The following CPNE2 variants were observed in gnomAD, a reference collection of about 807,000 sequenced individuals.
CPNE2 encodes copine 2, also known as copine-2.
In CPNE2, 42 loss-of-function variants were observed where a neutral mutation model predicts 69.7. That is an observed-to-expected ratio of 0.60 (90% CI 0.47 to 0.78). The LOEUF (loss-of-function observed/expected upper bound fraction) is 0.78, where lower values mean the gene tolerates loss of function less well. Among genes scored for constraint, CPNE2 ranks in the 30% least tolerant of loss-of-function variants. CPNE2 has a pLI of 0.00. For missense variants in CPNE2, 587 were observed against 732.0 expected, an observed-to-expected ratio of 0.80 and a Z score of 2.29; for synonymous variants, 294 against 289.8, an observed-to-expected ratio of 1.01 and a Z score of -0.15.
At chr16:57,128,863 TG>T (rs2069818802) in intron 12 of CPNE2, among the ~76,000 whole-genome samples, 1 of 152,190 alleles carries the variant, frequency 6.6e-6, no homozygotes, top group African/African-American at 2.4e-5. Flanking sequence ...TGCAGTTTTT[TG>T]TTTTCTGTTT....
chr16:57,107,697 A>G (rs1344988931), intron 1 of CPNE2, among the ~76,000 whole-genome samples: 5 of 152,098 alleles, frequency 3.3e-5, no homozygotes, highest in Non-Finnish European at 7.4e-5. Context: ...AACGCAAATC[A>G]GATAATGTCA....
intron 12 of CPNE2, among the ~76,000 whole-genome samples, chr16:57,129,635 A>G (rs117116600): frequency 0.027 from 4,186 of 152,324 alleles, 196 homozygotes; most frequent in South Asian, 0.15. Context: ...CCTGGCCAGC[A>G]TGGCAAAACC....
rs2069973506 is a variant in CPNE2 at position 57,148,088 on chromosome 16, A to G, written c.*430A>G. The G allele has an allele frequency of 6.5e-6, 1 of 154,480 alleles. No individual in the cohort carries two copies. Among genetic ancestry groups the G allele is most frequent in the South Asian group, 2.1e-4 (1 of 4,852 alleles). The allele number at this position is 154,480 out of a possible 1,614,324, so 9.6% of individuals were successfully genotyped here. A position where few individuals can be genotyped will look rare whatever the true frequency, so the allele number is the denominator to read the frequency against. ...TTTTTTAATACTGTGACTGTGTTCT[A>G]TTTGTTATATGCTCAGGGTAACAAA... On this transcript the variant is annotated 3_prime_UTR_variant, in exon 16 of 16. Coordinates refer to ENST00000290776, the MANE Select transcript of CPNE2 (RefSeq NM_152727.6).
chr16:57,134,320 A>G (rs4784775), intron 12 of CPNE2, among the ~76,000 whole-genome samples: 69,052 of 152,044 alleles, frequency 0.45, 16,034 homozygotes, highest in South Asian at 0.64. Flanking sequence ...GGCGCAAGGC[A>G]GGCTCCCCTC....
At chr16:57,125,833 T>C in intron 10 of CPNE2, 27 bp from the exon 11 acceptor site, 4 of 1,613,772 alleles carry the variant, frequency 2.5e-6, no homozygotes, top group Non-Finnish European at 3.4e-6. Flanking sequence ...CTGGCCCCAC[T>C]GGGTGGCCTT....
In CPNE2 at chr16:57,105,766, C is replaced by T. The variant is rs74641700; in HGVS notation, c.-35-4942C>T. The stretch of plus-strand genomic sequence containing the variant: ...ATAAACCCCTCTCCAAGCTCCTTGC[C>T]TGGGGGGTCTGGTCACCCCAGAAGG... On this transcript the variant is annotated intron_variant, in intron 1 of 15. Transcript: ENST00000290776. Among the ~76,000 whole-genome samples, 1,400 of 152,308 alleles carry T rather than the reference C, an allele frequency of 9.2e-3. 26 individuals carry two copies. The highest frequency in any genetic ancestry group is 0.032 in the African/African-American group (1,342 of 41,556).
Position 57,147,694 on chromosome 16 carries a change from T to C in CPNE2, c.*36T>C. ...CCAGCAGCAGCATGTCAGCTGAGCC[T>C]CCTGCCCTCCCCCAGGAACATGCAC... is the stretch of plus-strand genomic sequence containing the variant. On this transcript the variant is annotated 3_prime_UTR_variant, in exon 16 of 16. Coordinates refer to ENST00000290776, the MANE Select transcript of CPNE2 (RefSeq NM_152727.6). 1 of 1,404,572 alleles carries C rather than the reference T, an allele frequency of 7.1e-7. No homozygotes were observed. The allele number at this position is 1,404,572 out of a possible 1,614,324, so 87.0% of individuals were successfully genotyped here.
At position 57,130,375 on chromosome 16, in the gene CPNE2, T is replaced by C. The variant is rs911555144; in HGVS notation, c.1116+2472T>C. On this transcript the variant is annotated intron_variant, in intron 12 of 15. Coordinates refer to ENST00000290776, the MANE Select transcript of CPNE2 (RefSeq NM_152727.6). The surrounding 1 kb of genome is among the most constrained non-coding windows in gnomAD (Gnocchi z 4.1). ...ACTCTGTCTCTAAAAAATTAATTAA[T>C]TAATTAATTAAAATAAAAAAAGAGA... 2.6e-5 allele frequency among the ~76,000 whole-genome samples: 4 copies of C among 151,464 alleles called. No homozygotes were observed. The highest frequency in any genetic ancestry group is 6.6e-5 in the Admixed American group (1 of 15,178).
Position 57,130,608 on chromosome 16 carries a change from A to G in CPNE2, c.1116+2705A>G, listed in dbSNP as rs944367017. 1.2e-4 allele frequency among the ~76,000 whole-genome samples: 19 copies of G among 152,006 alleles called. No individual in the cohort carries two copies. The highest frequency in any genetic ancestry group is 8.8e-5 in the Non-Finnish European group (6 of 68,010). ...ATGAGGTAGGCCCTGTTATGAACCC[A>G]TTTTGATCGTTGAGGAAGCCAAGCA... On this transcript the variant is annotated intron_variant, in intron 12 of 15. Coordinates refer to ENST00000290776, the MANE Select transcript of CPNE2 (RefSeq NM_152727.6). The surrounding 1 kb of genome is among the most constrained non-coding windows in gnomAD (Gnocchi z 4.1).
chr16:57,121,855 T>C (rs2069765035), intron 9 of CPNE2, 95 bp downstream of exon 9: 2 of 1,214,180 alleles, frequency 1.6e-6, no homozygotes, highest in Admixed American at 1.9e-5. Context: ...GCGAGGCCTG[T>C]GTTCAAATCC....
intron 14 of CPNE2, among the ~76,000 whole-genome samples, chr16:57,140,408 G>A (rs1377486157): frequency 6.6e-6 from 1 of 151,954 alleles, no homozygotes; most frequent in East Asian, 1.9e-4. Flanking sequence ...CTGTCCTCAG[G>A]TGATCCGCCC....
Position 57,137,199 on chromosome 16 carries a change from T to C in CPNE2, c.1219T>C (p.Phe407Leu), listed in dbSNP as rs377640626. The C allele has an allele frequency of 6.2e-7, 1 of 1,614,244 alleles. No homozygotes were observed. The highest frequency in any genetic ancestry group is 8.5e-7 in the Non-Finnish European group (1 of 1,180,040). Residue 407 changes from phenylalanine to leucine, a missense_variant, in exon 14 of 16, where the codon TTC (phenylalanine) becomes CTC (leucine). Phe to Leu is a conservative substitution (Grantham distance 22). Transcript: ENST00000290776. The stretch of plus-strand genomic sequence containing the variant: ...CTCAGCTTGCCTGCCCCACATCCGC[T>C]TCTACGGTCCTACCAATTTCTCCCC... ...AYSACLPHIR[F>L]YGPTNFSPIV...
chr16:57,132,639 G>A (rs1214986620), intron 12 of CPNE2, among the ~76,000 whole-genome samples: 9 of 152,146 alleles, frequency 5.9e-5, no homozygotes, highest in Admixed American at 5.9e-4. Context: ...CAGTCCCCAG[G>A]GGCCCCTCAT....
At chr16:57,113,004 A>C in intron 2 of CPNE2, 1 of 284,318 alleles carries the variant, frequency 3.5e-6, no homozygotes, top group South Asian at 6.2e-5. Flanking sequence ...GCACCTGGGT[A>C]GGGAGCCAGG....
At chr16:57,118,488 T>C (rs768727627) in intron 5 of CPNE2, among the ~76,000 whole-genome samples, 16 of 152,094 alleles carry the variant, frequency 1.1e-4, no homozygotes, top group Non-Finnish European at 2.1e-4. Flanking sequence ...CTTCTTTACT[T>C]ATTTTCTGTC....
rs181562443 is a variant in CPNE2, at chr16:57,127,775, G to T, written c.1062-74G>T. ...CTTGGAAGTGTATGAGGCAGAGTGG[G>T]CCCAGCCCTGGGCAGAGGGTCGGGT... On this transcript the variant is annotated intron_variant, in intron 11 of 15. Coordinates refer to ENST00000290776, the MANE Select transcript of CPNE2 (RefSeq NM_152727.6). The T allele has an allele frequency of 3.2e-4, 475 of 1,471,416 alleles. 2 individuals are homozygous for T. In the African/African-American group the frequency reaches 6.2e-3, roughly 19 times the overall value. The allele number at this position is 1,471,416 out of a possible 1,614,324, so 91.1% of individuals were successfully genotyped here.
rs553920728 is a variant in CPNE2 at position 57,134,544 on chromosome 16, G to A, written c.1117-231G>A. Reference sequence around the variant, plus strand: ...CAGAAGAGCCCAGGGTGACCTGCCAGGGTCTCAGTTTCCTCCACTATGAGG... The same window carrying A: ...CAGAAGAGCCCAGGGTGACCTGCCAAGGTCTCAGTTTCCTCCACTATGAGG... On this transcript the variant is annotated intron_variant, in intron 12 of 15. Transcript: ENST00000290776. 1.2e-4 allele frequency among the ~76,000 whole-genome samples: 18 copies of A among 152,272 alleles called. No homozygotes were observed. In the East Asian group the frequency reaches 3.1e-3, roughly 26 times the overall value.
intron 10 of CPNE2, chr16:57,124,958 A>C (rs755527185): frequency 1.5e-5 from 4 of 271,374 alleles, no homozygotes; most frequent in Non-Finnish European, 3.0e-5. Flanking sequence ...GTGTCCCTGC[A>C]GCGGTCCCTC....
intron 10 of CPNE2, 86 bp downstream of exon 10, chr16:57,123,559 G>A: frequency 2.1e-6 from 3 of 1,425,438 alleles, no homozygotes; most frequent in Non-Finnish European, 2.9e-6. Context: ...GCAGCCAGAG[G>A]GACTTAGGGT....
Sources: gnomAD v4.1 joint callset for allele counts (sites outside exome capture counted in the v4.1 genomes callset) on GRCh38, gnomAD v4.1.1 for gene constraint, Gnocchi (gnomAD v3.1) non-coding constraint, MANE v1.5 for transcripts, NCBI Gene and HGNC (gene_info 2026-07-23, HGNC 2026-07-21) for gene names.